The following TEX14 variants were observed in gnomAD, a reference collection of about 807,000 sequenced individuals.
TEX14 encodes inactive serine/threonine-protein kinase TEX14.
A neutral mutation model predicts 178.6 loss-of-function variants in TEX14; 168 were observed. The observed-to-expected ratio is 0.94, with a 90% CI of 0.83 to 1.07. The LOEUF is 1.07. Among genes scored for constraint, TEX14 ranks in the 50% least tolerant of loss-of-function variants. The pLI is 0.00. For missense variants in TEX14, 1,730 were observed against 1,753.6 expected (o/e 0.99, Z 0.24); for synonymous variants, 626 against 634.1 (o/e 0.99, Z 0.19).
intron 31 of TEX14, 96 bp downstream of exon 31, chr17:58,557,703 A>T (rs1211534561): frequency 3.2e-6 from 3 of 926,580 alleles, no homozygotes; most frequent in Admixed American, 2.4e-5. Flanking sequence ...AGTCTTTGTC[A>T]TTAATGTGTA....
At chr17:58,658,516 A>G (rs1264884649) in intron 1 of TEX14, among the ~76,000 whole-genome samples, 1 of 151,076 alleles carries the variant, frequency 6.6e-6, no homozygotes, top group Non-Finnish European at 1.5e-5. Context: ...CAGCCTCCAA[A>G]GTAGCTGGGA....
At position 58,581,623 on chromosome 17, in the gene TEX14, G is replaced by C. The variant is rs760881024; in HGVS notation, c.3172-1892C>G. 15 of 1,613,754 alleles carry C rather than the reference G, an allele frequency of 9.3e-6. No individual in the cohort carries two copies. The South Asian group carries it at 1.4e-4, about 15-fold the overall frequency. On this transcript the variant is annotated intron_variant, in intron 19 of 31. Transcript: ENST00000349033. ...CTGCGTTTTTTACCTCTAGAGCTAAGTTTTCTTGAGCAGTCGAGGAGTAAA... is the reference window on the plus strand; with the variant it reads ...CTGCGTTTTTTACCTCTAGAGCTAACTTTTCTTGAGCAGTCGAGGAGTAAA...
intron 3 of TEX14, among the ~76,000 whole-genome samples, chr17:58,624,863 C>CTGACT (rs2046097707): frequency 6.6e-6 from 1 of 152,178 alleles, no homozygotes; most frequent in South Asian, 2.1e-4. Flanking sequence ...ACACCTTACA[C>CTGACT]TGACTGAAAC....
At chr17:58,601,722 T>A in intron 13 of TEX14, 84 bp downstream of exon 13, 1 of 1,274,876 alleles carries the variant, frequency 7.8e-7, no homozygotes, top group Non-Finnish European at 1.1e-6. Context: ...ATCTACAGTT[T>A]AGAGGAGTCA....
intron 29 of TEX14, among the ~76,000 whole-genome samples, 198 bp from the exon 30 acceptor site, chr17:58,559,760 TAAGGTA>T (rs1335187500): frequency 6.6e-6 from 1 of 152,152 alleles, no homozygotes. Flanking sequence ...CATAACTATA[TAAGGTA>T]GTTACCACTG....
At chr17:58,608,098 C>T (rs1402152777) in intron 10 of TEX14, among the ~76,000 whole-genome samples, 1 of 152,124 alleles carries the variant, frequency 6.6e-6, no homozygotes, top group Non-Finnish European at 1.5e-5. Context: ...GCCTGGGCAA[C>T]ATGGCGTGAC....
rs141894209 is a variant in TEX14 at position 58,566,348 on chromosome 17, T to C, written c.3887-524A>G. ...GCCTAAAAATCACACAGACAGTAAG[T>C]GGTAAAATTGGTAAAAATCCAGGCA... On this transcript the variant is annotated intron_variant, in intron 26 of 31. Coordinates refer to ENST00000349033, the MANE Select transcript of TEX14 (RefSeq NM_031272.5). Among the ~76,000 whole-genome samples the C allele has an allele frequency of 1.6e-4, 25 of 152,326 alleles. 1 individual carries two copies. The highest frequency in any genetic ancestry group is 1.2e-3 in the South Asian group (6 of 4,830).
intron 2 of TEX14, among the ~76,000 whole-genome samples, chr17:58,635,428 CTT>C (rs548762963): frequency 1.5e-4 from 20 of 129,536 alleles, no homozygotes; most frequent in Admixed American, 3.1e-4. Flanking sequence ...GGGCTTCTCT[CTT>C]TTTTTTTTTT....
intron 7 of TEX14, among the ~76,000 whole-genome samples, chr17:58,615,629 T>G (rs2045855611): frequency 6.6e-6 from 1 of 151,392 alleles, no homozygotes; most frequent in Non-Finnish European, 1.5e-5. Flanking sequence ...GGGGAATGGG[T>G]AGGGGAGGGG....
At chr17:58,590,592 G>A (rs1481378133) in intron 15 of TEX14, among the ~76,000 whole-genome samples, 2 of 151,848 alleles carry the variant, frequency 1.3e-5, no homozygotes, top group African/African-American at 4.8e-5. Flanking sequence ...GTCTTATTCT[G>A]TCGCCCAAAC....
At position 58,572,112 on chromosome 17, in the gene TEX14, CT is replaced by C; in HGVS notation, c.3525del (p.Ala1176LeufsTer38). On this transcript the variant is annotated frameshift_variant, in exon 24 of 32. Transcript: ENST00000349033. LOFTEE classifies it high-confidence loss of function. ...STPLSPGSVS[S>X]AASQYKDCLE... The stretch of plus-strand genomic sequence containing the variant: ...AGGCAGTCTTTATACTGACTGGCAG[CT>C]GAAGAAACGGACCCTGTTGGAGAAA... 2 of 1,606,986 alleles carry C rather than the reference CT, an allele frequency of 1.2e-6. No individual in the cohort carries two copies. The highest frequency in any genetic ancestry group is 1.7e-6 in the Non-Finnish European group (2 of 1,174,048).
chr17:58,636,639 T>A lies in TEX14; in HGVS notation c.137-6085A>T, dbSNP rs147804887. ...TGTCTCTGTGATATTGTGAAATATG[T>A]ATTTGGGGCCGGGGGTGGTGGCTCA... On this transcript the variant is annotated intron_variant, in intron 2 of 31. Transcript: ENST00000349033. 7.7e-3 allele frequency among the ~76,000 whole-genome samples: 1,178 copies of A among 152,272 alleles called. 11 individuals carry two copies. Among genetic ancestry groups the A allele is most frequent in the African/African-American group, 0.026 (1,097 of 41,568 alleles).
At chr17:58,595,621 A>G (rs2045261186) in intron 14 of TEX14, among the ~76,000 whole-genome samples, 1 of 152,222 alleles carries the variant, frequency 6.6e-6, no homozygotes, top group Middle Eastern at 3.2e-3. Flanking sequence ...GTCAAGTGCA[A>G]AGAGAGGCCA....
intron 14 of TEX14, among the ~76,000 whole-genome samples, chr17:58,594,356 CTTT>C (rs1216981083): frequency 2.1e-5 from 3 of 141,660 alleles, no homozygotes; most frequent in African/African-American, 2.6e-5. Context: ...GAATCTTTTT[CTTT>C]TTTTTTTTTT....
intron 1 of TEX14, among the ~76,000 whole-genome samples, chr17:58,683,129 T>C (rs906266737): frequency 6.6e-6 from 1 of 151,276 alleles, no homozygotes; most frequent in African/African-American, 2.4e-5. Flanking sequence ...TCCCAGCAGT[T>C]TGGGAGGCTG....
chr17:58,632,056 G>A (rs1461686057), intron 2 of TEX14, among the ~76,000 whole-genome samples: 12 of 152,310 alleles, frequency 7.9e-5, no homozygotes, highest in Non-Finnish European at 4.4e-5. Flanking sequence ...AGCAAAGCAT[G>A]CAAATCACTC....
rs1375948019 is a variant in TEX14 at position 58,599,578 on chromosome 17, C to T, written c.1767G>A (p.Arg589=). The T allele has an allele frequency of 1.9e-6, 3 of 1,613,848 alleles. No individual in the cohort carries two copies. The part of the protein sequence containing the change: ...PQAPDPCLMA[R]ETQNQDAPCP... ...AAGGAGCATCTTGATTCTGAGTCTC[C>T]CTGGCCATCAGACATGGATCTGGGG... is the stretch of plus-strand genomic sequence containing the variant. Residue 589 remains arginine (R), a synonymous_variant, in exon 14 of 32, where the codon AGG becomes AGA. Transcript: ENST00000349033.
intron 5 of TEX14, among the ~76,000 whole-genome samples, chr17:58,619,526 G>A (rs1370179864): frequency 6.6e-6 from 1 of 152,126 alleles, no homozygotes; most frequent in Admixed American, 6.5e-5. Flanking sequence ...AGAGGAGGGG[G>A]GGCGGGCACG....
chr17:58,605,168 A>C, intron 10 of TEX14, 39 bp from the exon 11 acceptor site: 1 of 1,597,500 alleles, frequency 6.3e-7, no homozygotes, highest in South Asian at 1.1e-5. Context: ...TCATGCCTTA[A>C]AGGGTCTTTT....
Sources: gnomAD v4.1 joint callset for allele counts (sites outside exome capture counted in the v4.1 genomes callset) on GRCh38, gnomAD v4.1.1 for gene constraint, MANE v1.5 for transcripts, NCBI Gene and HGNC (gene_info 2026-07-23, HGNC 2026-07-21) for gene names.